Variants in ERAP1 observed in about 807,000 individuals in gnomAD.
ERAP1 encodes the protein adipocyte-derived leucine aminopeptidase.
ERAP1 carries 86 observed loss-of-function variants against 103.7 expected under a neutral mutation model. That is an observed-to-expected ratio of 0.83 (90% CI 0.70 to 0.99). The LOEUF is 0.99. Among genes scored for constraint, ERAP1 ranks in the 50% least tolerant of loss-of-function variants. The probability of loss-of-function intolerance (pLI) is 0.00; values close to 1 mark genes in which losing one functional copy is unlikely to be tolerated. For synonymous variants in ERAP1, 398 were observed against 402.4 expected (o/e 0.99, Z 0.13); for missense variants, 1,009 against 1,128.4 (o/e 0.89, Z 1.52).
At chr5:96,914,206 C>T in the ERAP1 span, among the ~76,000 whole-genome samples, 3 of 151,536 alleles carry the variant, frequency 2.0e-5, no homozygotes, top group Non-Finnish European at 2.9e-5. Context: ...CATTCCTCAT[C>T]CAAATCTAAA....
the ERAP1 span, among the ~76,000 whole-genome samples, chr5:96,932,581 C>G: frequency 6.6e-6 from 1 of 152,282 alleles, no homozygotes; most frequent in East Asian, 1.9e-4. Context: ...CACAGATGGC[C>G]TGAGTTCCAG....
At chr5:96,930,860 G>C in the ERAP1 span, among the ~76,000 whole-genome samples, 1 of 152,124 alleles carries the variant, frequency 6.6e-6, no homozygotes, top group Non-Finnish European at 1.5e-5. Flanking sequence ...CTTATGCTTG[G>C]ACATAAGGGA....
At chr5:96,917,905 C>CAA in the ERAP1 span, 2,818 of 49,224 alleles carry the variant, frequency 0.057, 125 homozygotes, top group Middle Eastern at 0.11. Flanking sequence ...GACTCTGTCT[C>CAA]AAAAAAAAAA....
At chr5:96,874,136 GAGAAAGAAAGAAAGAAAGAAAGAA>G in the ERAP1 span, among the ~76,000 whole-genome samples, 3 of 118,784 alleles carry the variant, frequency 2.5e-5, no homozygotes, top group African/African-American at 9.3e-5. Context: ...GAAAGAGAGA[GAGAAAGAAAGAAAGAAAGAAAGAA>G]AGAAAGAAAG....
chr5:96,762,990 A>G (rs766372330), exon 20 of ERAP1: 93 of 624,268 alleles, frequency 1.5e-4, no homozygotes, highest in Non-Finnish European at 8.1e-5. Flanking sequence ...CACCTGTGCA[A>G]TACCAAATTA....
At position 96,790,229 on chromosome 5, in the gene ERAP1, C is replaced by G. The variant is rs1028759538; in HGVS notation, c.1524+67G>C. On this transcript the variant is annotated intron_variant, in intron 10 of 18. Coordinates refer to ENST00000443439, the MANE Select transcript of ERAP1 (RefSeq NM_001040458.3). ...GGACCTCAGAAAGTTTGGCACAGAGCTGCCTTTCAAAGAATATGCAGTAAA... is the reference window on the plus strand; with the variant it reads ...GGACCTCAGAAAGTTTGGCACAGAGGTGCCTTTCAAAGAATATGCAGTAAA... The G allele has an allele frequency of 2.8e-6, 4 of 1,440,276 alleles. No individual in the cohort carries two copies. In the Admixed American group the frequency reaches 6.8e-5, roughly 25 times the overall value. The allele number at this position is 1,440,276 out of a possible 1,614,324, so 89.2% of individuals were successfully genotyped here.
chr5:96,829,711 T>A, the ERAP1 span, among the ~76,000 whole-genome samples: 3 of 152,252 alleles, frequency 2.0e-5, no homozygotes, highest in Non-Finnish European at 4.4e-5. Flanking sequence ...ATAGGCTATT[T>A]TTTATTTTTA....
rs1003038016 is a variant in ERAP1 at position 96,774,786 on chromosome 5, T to C, written c.*1610A>G. 8.1e-6 allele frequency: 8 copies of C among 984,480 alleles called. No individual in the cohort carries two copies. The highest frequency in any genetic ancestry group is 1.7e-5 in the African/African-American group (1 of 57,218). 61.0% of individuals were successfully genotyped at this position (984,480 alleles called of 1,614,324 possible). ...TAAACCATTCACTACAACAAATAAG[T>C]ATAAAAATTCCAATTCCACTTTTAT... On this transcript the variant is annotated 3_prime_UTR_variant, in exon 19 of 19. Transcript: ENST00000443439.
At chr5:96,856,349 A>AAAAATATATAT in the ERAP1 span, among the ~76,000 whole-genome samples, 1 of 8,536 alleles carries the variant, frequency 1.2e-4, no homozygotes, top group African/African-American at 3.6e-4. Flanking sequence ...AAAAAAAAAA[A>AAAAATATATAT]ATATATATAT....
the ERAP1 span, among the ~76,000 whole-genome samples, chr5:96,848,275 T>A: frequency 6.6e-6 from 1 of 152,164 alleles, no homozygotes; most frequent in Non-Finnish European, 1.5e-5. Context: ...GGTCTCAAGC[T>A]CCTGACCTCA....
At chr5:96,923,818 A>G in the ERAP1 span, among the ~76,000 whole-genome samples, 1 of 152,192 alleles carries the variant, frequency 6.6e-6, no homozygotes, top group Non-Finnish European at 1.5e-5. Context: ...AAAATATTAC[A>G]TTGTAACTCA....
Position 96,792,316 on chromosome 5 carries a change from T to C in ERAP1, c.1189-124A>G, listed in dbSNP as rs2150958856. The C allele has an allele frequency of 5.2e-6, 4 of 766,174 alleles. No homozygotes were observed. In the South Asian group the frequency reaches 6.3e-5, roughly 12 times the overall value. 47.5% of individuals were successfully genotyped at this position (766,174 alleles called of 1,614,324 possible). ...CACATTTTGGGGGCAACCTATTCCA[T>C]ATTTCCTAATATTTATGAAACAAAA... On this transcript the variant is annotated intron_variant, in intron 7 of 18. Transcript: ENST00000443439.
chr5:96,931,158 T>C, the ERAP1 span, among the ~76,000 whole-genome samples: 2 of 130,994 alleles, frequency 1.5e-5, no homozygotes, highest in Non-Finnish European at 3.2e-5. Context: ...CTGGGAAATC[T>C]TTTTTTTTTT....
At chr5:96,847,264 A>G in the ERAP1 span, among the ~76,000 whole-genome samples, 1 of 151,830 alleles carries the variant, frequency 6.6e-6, no homozygotes, top group African/African-American at 2.4e-5. Context: ...AAAAAAAAAA[A>G]AAGTTGAGTA....
the ERAP1 span, among the ~76,000 whole-genome samples, chr5:96,922,950 C>T: frequency 6.9e-6 from 1 of 145,968 alleles, no homozygotes; most frequent in South Asian, 2.2e-4. Context: ...CGAGGCCTCA[C>T]TATTTGGATG....
the ERAP1 span, among the ~76,000 whole-genome samples, chr5:96,836,365 C>G: frequency 6.6e-6 from 1 of 151,898 alleles, no homozygotes; most frequent in Admixed American, 6.6e-5. Flanking sequence ...CCACACCTAG[C>G]TAATTTTTGT....
chr5:96,892,636 T>C, the ERAP1 span, among the ~76,000 whole-genome samples: 2 of 152,340 alleles, frequency 1.3e-5, no homozygotes, highest in Admixed American at 1.3e-4. Context: ...GTGTGCATAC[T>C]GGAATTTTAT....
chr5:96,798,789 C>T (rs79637013), intron 3 of ERAP1, among the ~76,000 whole-genome samples: 1 of 151,782 alleles, frequency 6.6e-6, no homozygotes, highest in African/African-American at 2.4e-5. Flanking sequence ...TGCTACCCAG[C>T]CTAGGATTAC....
At chr5:96,890,285 GGCATTAGATTCTCATAAGGAACAC>G in the ERAP1 span, among the ~76,000 whole-genome samples, 10 of 152,092 alleles carry the variant, frequency 6.6e-5, no homozygotes, top group Non-Finnish European at 1.3e-4. Flanking sequence ...CAGAGCATTG[GGCATTAGATTCTCATAAGGAACAC>G]GCAACTTAGA....
Sources: gnomAD v4.1 joint callset for allele counts (sites outside exome capture counted in the v4.1 genomes callset) on GRCh38, gnomAD v4.1.1 for gene constraint, MANE v1.5 for transcripts, NCBI Gene and HGNC (gene_info 2026-07-23, HGNC 2026-07-21) for gene names.